The following CLMN variants were observed in gnomAD, a reference collection of about 807,000 sequenced individuals.
CLMN encodes the protein calmin, also known as calmin (calponin-like, transmembrane).
CLMN carries 57 observed loss-of-function variants against 92.7 expected under a neutral mutation model. The observed-to-expected ratio is 0.61, with a 90% CI of 0.50 to 0.77. CLMN has a LOEUF of 0.77. CLMN is among the 30% of genes least tolerant of loss of function. The pLI is 0.00. For synonymous variants in CLMN, 466 were observed against 470.6 expected, an observed-to-expected ratio of 0.99 and a Z score of 0.13; for missense variants, 1,158 against 1,237.5, an observed-to-expected ratio of 0.94 and a Z score of 0.96.
chr14:95,224,402 C>A (rs1026608067), intron 2 of CLMN, among the ~76,000 whole-genome samples: 2 of 152,162 alleles, frequency 1.3e-5, no homozygotes, highest in African/African-American at 2.4e-5. Context: ...CCTGCCTCCG[C>A]CTCTCGAGGA....
At chr14:95,217,032 C>T (rs187791722) in intron 4 of CLMN, among the ~76,000 whole-genome samples, 1 of 152,302 alleles carries the variant, frequency 6.6e-6, no homozygotes, top group East Asian at 1.9e-4. Flanking sequence ...CGGGTCTCTG[C>T]AGACCTCTCT....
rs911307638 is a variant in CLMN at position 95,247,426 on chromosome 14, C to A, written c.83-17293G>T. ...CCTGGGAAGAAAAGAGGTGCTGTGC[C>A]GCATGGTGCCATCAGGCATGAAGGA... On this transcript the variant is annotated intron_variant, in intron 1 of 12. Coordinates refer to ENST00000298912, the MANE Select transcript of CLMN (RefSeq NM_024734.4). Among the ~76,000 whole-genome samples the A allele has an allele frequency of 6.6e-5, 10 of 152,288 alleles. No homozygotes were observed. The East Asian group carries it at 1.9e-3, about 29-fold the overall frequency.
At chr14:95,300,736 T>C (rs934598044) in intron 1 of CLMN, among the ~76,000 whole-genome samples, 5 of 152,214 alleles carry the variant, frequency 3.3e-5, no homozygotes, top group African/African-American at 7.2e-5. Flanking sequence ...CAGGGTCCCC[T>C]TGTTAGATAC....
At chr14:95,316,362 C>T (rs777061220) in intron 1 of CLMN, among the ~76,000 whole-genome samples, 4 of 152,236 alleles carry the variant, frequency 2.6e-5, no homozygotes, top group Non-Finnish European at 5.9e-5. Flanking sequence ...GAGGGACATG[C>T]CCATGCTCTG....
intron 1 of CLMN, among the ~76,000 whole-genome samples, chr14:95,264,459 G>C (rs1328157779): frequency 6.6e-6 from 1 of 152,156 alleles, no homozygotes; most frequent in African/African-American, 2.4e-5. Flanking sequence ...CAGTCTTTAA[G>C]CTCAGGGAGA....
intron 1 of CLMN, among the ~76,000 whole-genome samples, chr14:95,233,356 C>T (rs1897949421): frequency 6.6e-6 from 1 of 152,022 alleles, no homozygotes; most frequent in Non-Finnish European, 1.5e-5. Context: ...TCCACCTACC[C>T]ATCCATCCAT....
chr14:95,266,721 C>G (rs947484519), intron 1 of CLMN, among the ~76,000 whole-genome samples: 2 of 151,924 alleles, frequency 1.3e-5, no homozygotes, highest in Non-Finnish European at 2.9e-5. Flanking sequence ...CACAAAAGAC[C>G]CTGAATAGCC....
Position 95,194,301 on chromosome 14 carries a change from T to C in CLMN, c.2769+235A>G, listed in dbSNP as rs1431723829. ...GTGAGGCGTTTTGGGTGCGTTTTTA[T>C]AGCAAGGAGGCCTTTGGGCTTTAAA... On this transcript the variant is annotated intron_variant, in intron 11 of 12. Transcript: ENST00000298912. The surrounding 1 kb of genome is among the most constrained non-coding windows in gnomAD (Gnocchi z 4.0). 9 of 1,413,982 alleles carry C rather than the reference T, an allele frequency of 6.4e-6. No homozygotes were observed. The highest frequency in any genetic ancestry group is 8.3e-6 in the Non-Finnish European group (9 of 1,088,876). 87.6% of individuals were successfully genotyped at this position (1,413,982 alleles called of 1,614,324 possible).
chr14:95,283,721 AG>A (rs1353992285), intron 1 of CLMN, among the ~76,000 whole-genome samples: 2 of 152,224 alleles, frequency 1.3e-5, no homozygotes, highest in African/African-American at 2.4e-5. Context: ...AAGATGATTT[AG>A]GTATCTGGTG....
In CLMN at chr14:95,288,959, G is replaced by GGATC. The variant is rs1455231889; in HGVS notation, c.82+30748_82+30751dup. Among the ~76,000 whole-genome samples the GGATC allele has an allele frequency of 3.3e-5, 5 of 152,326 alleles. No homozygotes were observed. In the East Asian group the frequency reaches 7.7e-4, roughly 23 times the overall value. On this transcript the variant is annotated intron_variant, in intron 1 of 12. Coordinates refer to ENST00000298912, the MANE Select transcript of CLMN (RefSeq NM_024734.4). Reference sequence around the variant, plus strand: ...GCCAACACACAAAGAATCCACTGCAGGATCCATTTATGCAAAAGTTCCCAA... The same window carrying GGATC: ...GCCAACACACAAAGAATCCACTGCAGGATCGATCCATTTATGCAAAAGTTCCCAA...
At chr14:95,289,506 TAAACAAAC>T (rs765758306) in intron 1 of CLMN, among the ~76,000 whole-genome samples, 110 of 65,898 alleles carry the variant, frequency 1.7e-3, no homozygotes, top group East Asian at 0.011. Context: ...AATAAATAAA[TAAACAAAC>T]AAACAAACAA....
rs573380046 is a variant in CLMN, at chr14:95,263,325, T to C, written c.83-33192A>G. On this transcript the variant is annotated intron_variant, in intron 1 of 12. Transcript: ENST00000298912. ...CTCTCTCACTATCAGGAGAACAGCATGGGGGTAACTGCTCCCATGATTCAA... is the reference window on the plus strand; with the variant it reads ...CTCTCTCACTATCAGGAGAACAGCACGGGGGTAACTGCTCCCATGATTCAA... Among the ~76,000 whole-genome samples, 3 of 152,258 alleles carry C rather than the reference T, an allele frequency of 2.0e-5. No individual in the cohort carries two copies. In the South Asian group the frequency reaches 6.2e-4, roughly 32 times the overall value.
intron 1 of CLMN, among the ~76,000 whole-genome samples, chr14:95,245,211 T>TATATATATATATTATATATATATATA (rs1898453942): frequency 4.6e-5 from 1 of 21,788 alleles, no homozygotes; most frequent in Non-Finnish European, 7.1e-5. Flanking sequence ...ATATATATTA[T>TATATATATATATTATATATATATATA]ATATATATAT....
intron 1 of CLMN, among the ~76,000 whole-genome samples, chr14:95,281,107 C>A (rs1272872193): frequency 6.6e-6 from 1 of 152,170 alleles, no homozygotes; most frequent in Non-Finnish European, 1.5e-5. Flanking sequence ...GAATTAACTG[C>A]ATAGACAGAA....
At chr14:95,313,002 T>G (rs1901607848) in intron 1 of CLMN, among the ~76,000 whole-genome samples, 1 of 152,186 alleles carries the variant, frequency 6.6e-6, no homozygotes, top group Non-Finnish European at 1.5e-5. Flanking sequence ...GGTCAGGAGT[T>G]CGAGACCAGC....
intron 1 of CLMN, among the ~76,000 whole-genome samples, chr14:95,263,725 A>G (rs1258338755): frequency 6.6e-6 from 1 of 152,232 alleles, no homozygotes; most frequent in Non-Finnish European, 1.5e-5. Context: ...GGTGGCTGGG[A>G]GAAGAAAGGA....
chr14:95,227,042 T>C (rs906774474), intron 2 of CLMN, among the ~76,000 whole-genome samples: 1 of 152,094 alleles, frequency 6.6e-6, no homozygotes, highest in Non-Finnish European at 1.5e-5. Context: ...TAATGGGGCA[T>C]GGAGCTCCTG....
At chr14:95,268,777 C>CCT (rs1195649669) in intron 1 of CLMN, among the ~76,000 whole-genome samples, 162 of 129,684 alleles carry the variant, frequency 1.2e-3, no homozygotes, top group East Asian at 8.7e-3. Flanking sequence ...TATACTGGGA[C>CCT]CTCTCTCTCT....
chr14:95,288,935 C>T (rs1900445906), intron 1 of CLMN, among the ~76,000 whole-genome samples: 1 of 152,194 alleles, frequency 6.6e-6, no homozygotes, highest in Non-Finnish European at 1.5e-5. Context: ...GCAAAAGAAG[C>T]CAACACACAA....
Sources: gnomAD v4.1 joint callset for allele counts (sites outside exome capture counted in the v4.1 genomes callset) on GRCh38, gnomAD v4.1.1 for gene constraint, Gnocchi (gnomAD v3.1) non-coding constraint, MANE v1.5 for transcripts, NCBI Gene and HGNC (gene_info 2026-07-23, HGNC 2026-07-21) for gene names.